PTPRN2: variants seen among roughly 807,000 people sequenced by gnomAD.
PTPRN2 encodes protein tyrosine phosphatase receptor type N2, also known as receptor-type tyrosine-protein phosphatase N2.
In PTPRN2, 74 loss-of-function variants were observed where a neutral mutation model predicts 118.8. That is an observed-to-expected ratio of 0.62 (90% CI 0.52 to 0.76). The LOEUF (loss-of-function observed/expected upper bound fraction) is 0.76. PTPRN2 is among the 30% of genes least tolerant of loss of function. The pLI is 0.00. For missense variants in PTPRN2, 1,481 were observed against 1,394.4 expected (o/e 1.06, Z -0.99); for synonymous variants, 641 against 608.0 (o/e 1.05, Z -0.80).
At chr7:158,102,824 G>C (rs1585443707) in intron 10 of PTPRN2, among the ~76,000 whole-genome samples, 1 of 152,166 alleles carries the variant, frequency 6.6e-6, no homozygotes, top group Non-Finnish European at 1.5e-5. Context: ...CTGAGGAGCT[G>C]ATGGTCTGGG....
At position 157,764,804 on chromosome 7, in the gene PTPRN2, G is replaced by T. The variant is rs1296077530; in HGVS notation, c.1789-81867C>A. Among the ~76,000 whole-genome samples the T allele has an allele frequency of 6.6e-6, 1 of 152,134 alleles. No individual in the cohort carries two copies. Among genetic ancestry groups the T allele is most frequent in the African/African-American group, 2.4e-5 (1 of 41,392 alleles). On this transcript the variant is annotated intron_variant, in intron 12 of 22. Coordinates refer to ENST00000389418, the MANE Select transcript of PTPRN2 (RefSeq NM_002847.5). The surrounding 1 kb of genome is among the most constrained non-coding windows in gnomAD (Gnocchi z 4.5). Reference sequence around the variant, plus strand: ...ATACAGCAGGGGACAGGAGCCGATTGTCTGTCCTACAGCTGGGAAATGATC... The same window carrying T: ...ATACAGCAGGGGACAGGAGCCGATTTTCTGTCCTACAGCTGGGAAATGATC...
intron 11 of PTPRN2, among the ~76,000 whole-genome samples, chr7:157,899,672 T>G: frequency 6.6e-6 from 1 of 152,338 alleles, no homozygotes; most frequent in African/African-American, 2.4e-5. Context: ...AAATTATTCC[T>G]TTCGGAGAGG....
At chr7:158,056,710 A>G (rs954909616) in intron 11 of PTPRN2, among the ~76,000 whole-genome samples, 7 of 152,154 alleles carry the variant, frequency 4.6e-5, no homozygotes, top group Admixed American at 1.3e-4. Context: ...CATTTTGCCA[A>G]TGCTTTTGAG....
chr7:158,309,384 C>T lies in PTPRN2; in HGVS notation c.277+7435G>A, dbSNP rs1443155849. 5.9e-5 allele frequency among the ~76,000 whole-genome samples: 9 copies of T among 152,352 alleles called. No individual in the cohort carries two copies. The South Asian group carries it at 6.2e-4, about 11-fold the overall frequency. On this transcript the variant is annotated intron_variant, in intron 3 of 22. Coordinates refer to ENST00000389418, the MANE Select transcript of PTPRN2 (RefSeq NM_002847.5). ...TCCCCTGCGGGATGCTTCCTGCCTT[C>T]GAACCTCGGACCTCAAGTTATTCAG...
At chr7:157,878,876 G>T (rs1395396013) in intron 12 of PTPRN2, among the ~76,000 whole-genome samples, 14 of 113,914 alleles carry the variant, frequency 1.2e-4, no homozygotes, top group African/African-American at 4.7e-4. Context: ...CCGTGGGGCT[G>T]GAAGGGTCAG....
At chr7:157,947,970 A>G (rs1235292352) in intron 11 of PTPRN2, among the ~76,000 whole-genome samples, 1 of 152,252 alleles carries the variant, frequency 6.6e-6, no homozygotes, top group Non-Finnish European at 1.5e-5. Flanking sequence ...TATCCTTTGA[A>G]AATGAAGCCA....
At chr7:158,499,658 C>T (rs1822205142) in intron 1 of PTPRN2, among the ~76,000 whole-genome samples, 1 of 152,094 alleles carries the variant, frequency 6.6e-6, no homozygotes. Context: ...ATAATCCCAG[C>T]TACTTGGGAG....
At position 157,813,941 on chromosome 7, in the gene PTPRN2, C is replaced by T. The variant is rs901440868; in HGVS notation, c.1788+84732G>A. Among the ~76,000 whole-genome samples the T allele has an allele frequency of 5.3e-5, 8 of 152,244 alleles. No homozygotes were observed. Among genetic ancestry groups the T allele is most frequent in the African/African-American group, 9.6e-5 (4 of 41,454 alleles). On this transcript the variant is annotated intron_variant, in intron 12 of 22. Transcript: ENST00000389418. This position sits in a 1 kb window ranked among gnomAD's most constrained non-coding sequence, Gnocchi z 4.7. The stretch of plus-strand genomic sequence containing the variant: ...CCCGGGGACCCCGCCGTGAGAGCCC[C>T]GACACAAGTCGCGGTTTGTGGTGCT...
chr7:158,425,151 C>T (rs1586644475), intron 2 of PTPRN2, among the ~76,000 whole-genome samples: 1 of 152,264 alleles, frequency 6.6e-6, no homozygotes, highest in African/African-American at 2.4e-5. Context: ...GATGCACTGC[C>T]AGGAAAGACG....
intron 6 of PTPRN2, among the ~76,000 whole-genome samples, chr7:158,146,582 G>A (rs548403046): frequency 2.8e-3 from 430 of 151,564 alleles, no homozygotes; most frequent in Non-Finnish European, 4.2e-3. Context: ...TTAGCCAGGC[G>A]TGGTGGCGGG....
At chr7:157,686,983 C>T (rs1272653776) in intron 12 of PTPRN2, among the ~76,000 whole-genome samples, 3 of 152,166 alleles carry the variant, frequency 2.0e-5, no homozygotes, top group Non-Finnish European at 4.4e-5. Flanking sequence ...ATTTCTTCCT[C>T]TCAACCGTCT....
At chr7:157,565,222 C>T (rs546108665) in intron 21 of PTPRN2, among the ~76,000 whole-genome samples, 9 of 152,312 alleles carry the variant, frequency 5.9e-5, no homozygotes, top group Middle Eastern at 3.4e-3. Flanking sequence ...GGTCTATGCC[C>T]GTGTGGACAC....
At chr7:157,702,337 G>A (rs1007504698) in intron 12 of PTPRN2, among the ~76,000 whole-genome samples, 8 of 151,758 alleles carry the variant, frequency 5.3e-5, no homozygotes, top group Non-Finnish European at 1.0e-4. Context: ...GAGAAAGCCC[G>A]GTCGGTGCTG....
chr7:158,103,865 A>ATTT (rs1225817208), intron 10 of PTPRN2, among the ~76,000 whole-genome samples: 2 of 149,868 alleles, frequency 1.3e-5, no homozygotes, highest in Non-Finnish European at 1.5e-5. Flanking sequence ...ACAGATTATT[A>ATTT]TTATTTTTTT....
intron 13 of PTPRN2, chr7:157,669,449 G>C (rs1228892913): frequency 2.2e-6 from 1 of 457,810 alleles, no homozygotes; most frequent in Non-Finnish European, 4.4e-6. Flanking sequence ...ACCCAGGGGA[G>C]GATGCCCCTG....
intron 6 of PTPRN2, among the ~76,000 whole-genome samples, chr7:158,149,277 C>T (rs986465702): frequency 5.3e-5 from 8 of 152,092 alleles, no homozygotes; most frequent in Admixed American, 1.3e-4. Flanking sequence ...ACCAAAAGAC[C>T]TCCAAACTTT....
At chr7:158,184,098 G>A (rs780097617) in intron 5 of PTPRN2, among the ~76,000 whole-genome samples, 37 of 151,792 alleles carry the variant, frequency 2.4e-4, no homozygotes, top group Non-Finnish European at 4.9e-4. Flanking sequence ...TGTGTCTTTC[G>A]AAGAAGTGTC....
chr7:158,215,555 C>T lies in PTPRN2; in HGVS notation c.278-10282G>A, dbSNP rs144973638. On this transcript the variant is annotated intron_variant, in intron 3 of 22. Transcript: ENST00000389418. Reference sequence around the variant, plus strand: ...CCCCAAACAGGGTAAACCCAAATCTCCTCCAAGACACATAATAATTAAGTT... The same window carrying T: ...CCCCAAACAGGGTAAACCCAAATCTTCTCCAAGACACATAATAATTAAGTT... Among the ~76,000 whole-genome samples the T allele has an allele frequency of 2.5e-3, 374 of 152,256 alleles. 2 individuals are homozygous for T. The highest frequency in any genetic ancestry group is 8.5e-3 in the African/African-American group (355 of 41,556).
chr7:158,360,022 G>T, intron 2 of PTPRN2, among the ~76,000 whole-genome samples: 2 of 151,784 alleles, frequency 1.3e-5, no homozygotes, highest in Non-Finnish European at 1.5e-5. Context: ...TCCTCACCCA[G>T]ACAACCCACA....
Sources: gnomAD v4.1 joint callset for allele counts (sites outside exome capture counted in the v4.1 genomes callset) on GRCh38, gnomAD v4.1.1 for gene constraint, Gnocchi (gnomAD v3.1) non-coding constraint, MANE v1.5 for transcripts, NCBI Gene and HGNC (gene_info 2026-07-23, HGNC 2026-07-21) for gene names.